Variants in TXLNG observed in about 807,000 individuals in gnomAD.
TXLNG encodes gamma-taxilin.
A neutral mutation model predicts 38.8 loss-of-function variants in TXLNG; 5 were observed. The ratio of observed to expected loss-of-function variants is 0.13; its 90% confidence interval spans 0.07 to 0.27. TXLNG has a LOEUF of 0.27. TXLNG is among the 10% of genes least tolerant of loss of function. The pLI is 1.00. For missense variants in TXLNG, 393 were observed against 398.2 expected (o/e 0.99, Z 0.11); for synonymous variants, 182 against 158.2 (o/e 1.15, Z -1.13).
intron 1 of TXLNG, among the ~76,000 whole-genome samples, chrX:16,793,051 C>T (rs1362711077): frequency 1.9e-5 from 2 of 107,279 alleles, no homozygotes; most frequent in African/African-American, 3.4e-5. Context: ...GAGCCAAGAT[C>T]GTGCCATTAT....
At chrX:16,829,543 GTAT>G (rs1569270846) in intron 4 of TXLNG, 30 bp from the exon 5 acceptor site, 1 of 1,184,996 alleles carries the variant, frequency 8.4e-7, no homozygotes. Flanking sequence ...CTATAGGTCT[GTAT>G]TATTAACAAA....
chrX:16,835,078 T>TAA (rs998731218), intron 7 of TXLNG, among the ~76,000 whole-genome samples: 3 of 96,044 alleles, frequency 3.1e-5, no homozygotes, highest in African/African-American at 7.6e-5. Flanking sequence ...GTTAGCTCCT[T>TAA]AAAAAAAAAA....
chrX:16,837,509 T>G, intron 7 of TXLNG, 84 bp from the exon 8 acceptor site: 1 of 633,868 alleles, frequency 1.6e-6, no homozygotes. Flanking sequence ...TTGTAATAAG[T>G]AACCATACTA....
chrX:16,826,886 G>T (rs1303949228), intron 3 of TXLNG, among the ~76,000 whole-genome samples: 1 of 103,655 alleles, frequency 9.6e-6, no homozygotes, highest in Non-Finnish European at 2.0e-5. Flanking sequence ...GCAATGGCGC[G>T]ATCCATTGCA....
chrX:16,797,281 C>CAAA (rs199860750), intron 1 of TXLNG, among the ~76,000 whole-genome samples: 1 of 85,516 alleles, frequency 1.2e-5, no homozygotes. Context: ...AAGACTGTCT[C>CAAA]AAAAAAAAAA....
intron 6 of TXLNG, among the ~76,000 whole-genome samples, chrX:16,833,548 C>G (rs1929488578): frequency 9.0e-6 from 1 of 111,506 alleles, no homozygotes; most frequent in Non-Finnish European, 1.9e-5. Context: ...TGTCATCCTT[C>G]CATATGAACT....
At chrX:16,803,590 G>A (rs1174736859) in intron 1 of TXLNG, among the ~76,000 whole-genome samples, 4 of 102,886 alleles carry the variant, frequency 3.9e-5, no homozygotes, top group Non-Finnish European at 6.0e-5. Context: ...TGATCCACCC[G>A]CCTCGGCCTC....
chrX:16,818,452 C>T lies in TXLNG; in HGVS notation c.103-122C>T, dbSNP rs1465817873. 3.9e-6 allele frequency: 3 copies of T among 771,449 alleles called. No individual in the cohort carries two copies. The African/African-American group carries it at 6.3e-5, about 16-fold the overall frequency. The allele number at this position is 771,449 out of a possible 1,213,427, so 63.6% of individuals were successfully genotyped here. ...AACCTAGAAAGTACCATATTTACAT[C>T]AATTTTGCAAACCACTAAGGAAGAA... On this transcript the variant is annotated intron_variant, in intron 1 of 9. Transcript: ENST00000380122.
intron 7 of TXLNG, among the ~76,000 whole-genome samples, chrX:16,835,149 A>G (rs755963390): frequency 9.0e-6 from 1 of 110,817 alleles, no homozygotes; most frequent in South Asian, 3.9e-4. Flanking sequence ...ATTTCTACCT[A>G]TACATTCATC....
At chrX:16,815,140 T>G (rs924600888) in intron 1 of TXLNG, among the ~76,000 whole-genome samples, 1 of 111,715 alleles carries the variant, frequency 9.0e-6, no homozygotes, top group African/African-American at 3.2e-5. Context: ...AGAAATTCTG[T>G]GTTAGAGATA....
At position 16,820,371 on chromosome X, in the gene TXLNG, A is replaced by G. The variant is rs1928893158; in HGVS notation, c.498+116A>G. Reference sequence around the variant, plus strand: ...GGCCTTAAATGTAAAATTATATTTTATTCTGAAATTGAAGAAGAGAATCTG... The same window carrying G: ...GGCCTTAAATGTAAAATTATATTTTGTTCTGAAATTGAAGAAGAGAATCTG... On this transcript the variant is annotated intron_variant, in intron 3 of 9. Transcript: ENST00000380122. The G allele has an allele frequency of 7.4e-6, 4 of 541,835 alleles. No homozygotes were observed. In the South Asian group the frequency reaches 1.7e-4, roughly 23 times the overall value. 44.7% of individuals were successfully genotyped at this position (541,835 alleles called of 1,213,427 possible). A position where few individuals can be genotyped will look rare whatever the true frequency, so the allele number is the denominator to read the frequency against.
chrX:16,794,481 T>G (rs182545307), intron 1 of TXLNG, among the ~76,000 whole-genome samples: 59 of 111,594 alleles, frequency 5.3e-4, no homozygotes, highest in African/African-American at 1.6e-3. Flanking sequence ...CAACAGTACC[T>G]CCAAGTGTAA....
chrX:16,822,803 G>C (rs1172030286), intron 3 of TXLNG, among the ~76,000 whole-genome samples: 1 of 111,922 alleles, frequency 8.9e-6, no homozygotes, highest in Non-Finnish European at 1.9e-5. Flanking sequence ...GACTCACACC[G>C]ATCATTGAAC....
At chrX:16,809,407 G>A (rs1357865276) in intron 1 of TXLNG, among the ~76,000 whole-genome samples, 1 of 101,628 alleles carries the variant, frequency 9.8e-6, no homozygotes, top group Admixed American at 1.1e-4. Flanking sequence ...GCAGTGGCGT[G>A]ATCTCGGCTC....
At chrX:16,808,150 T>C (rs1928394267) in intron 1 of TXLNG, among the ~76,000 whole-genome samples, 1 of 111,539 alleles carries the variant, frequency 9.0e-6, no homozygotes, top group Non-Finnish European at 1.9e-5. Flanking sequence ...TTGCGAAATA[T>C]ATCCTTTGAC....
intron 9 of TXLNG, chrX:16,840,343 C>A (rs945246604): frequency 4.3e-6 from 2 of 467,136 alleles, no homozygotes; most frequent in African/African-American, 2.7e-5. Context: ...AACAAGCATG[C>A]AGGTGATGCT....
intron 1 of TXLNG, among the ~76,000 whole-genome samples, chrX:16,787,383 T>A (rs1425065747): frequency 1.8e-5 from 2 of 111,683 alleles, no homozygotes; most frequent in Non-Finnish European, 3.8e-5. Context: ...TTTCCCCTCT[T>A]TTTTTTCTTT....
intron 1 of TXLNG, among the ~76,000 whole-genome samples, chrX:16,796,641 G>A (rs1393284307): frequency 9.0e-6 from 1 of 111,626 alleles, no homozygotes; most frequent in Admixed American, 9.6e-5. Context: ...ACAAAAAGGG[G>A]GAAAGATGCC....
chrX:16,818,949 A>G (rs1928842198), intron 2 of TXLNG, 72 bp downstream of exon 2: 2 of 1,065,164 alleles, frequency 1.9e-6, no homozygotes, highest in African/African-American at 3.7e-5. Context: ...AGCCCAGATA[A>G]TTTTGAACAC....
Sources: allele counts gnomAD v4.1 joint callset (sites outside exome capture counted in the v4.1 genomes callset), GRCh38; gene constraint gnomAD v4.1.1; transcripts MANE v1.5; gene names NCBI Gene and HGNC (gene_info 2026-07-23, HGNC 2026-07-21).